Variants in DOCK2 observed in about 807,000 individuals in gnomAD.
DOCK2 encodes the protein dedicator of cytokinesis protein 2.
Under a neutral mutation model 248.9 loss-of-function variants are expected in DOCK2, and 87 were observed. The ratio of observed to expected loss-of-function variants is 0.35; its 90% CI spans 0.29 to 0.42. The LOEUF (loss-of-function observed/expected upper bound fraction) is 0.42, where lower values mean the gene tolerates loss of function less well. DOCK2 is among the 10% of genes least tolerant of loss of function. DOCK2 has a pLI of 1.00. For missense variants in DOCK2, 1,747 were observed against 2,300.2 expected, an observed-to-expected ratio of 0.76 and a Z score of 4.92; for synonymous variants, 805 against 821.6, an observed-to-expected ratio of 0.98 and a Z score of 0.35.
At chr5:170,029,737 C>G (rs1443714144) in intron 34 of DOCK2, among the ~76,000 whole-genome samples, 3 of 152,232 alleles carry the variant, frequency 2.0e-5, no homozygotes, top group Non-Finnish European at 4.4e-5. Context: ...TTCTATAATT[C>G]TCTGAGATCA....
In DOCK2 at chr5:169,712,550, G is replaced by A. The variant is rs1297026562; in HGVS notation, c.1659+327G>A. On this transcript the variant is annotated intron_variant, in intron 17 of 51. Transcript: ENST00000520908. ...CTGTTATATACTCTTGACTCTGTAG[G>A]GACCTCTGTGGCATGTGTAGAGGAT... Among the ~76,000 whole-genome samples the A allele has an allele frequency of 2.0e-5, 3 of 152,152 alleles. No homozygotes were observed. The East Asian group carries it at 5.8e-4, about 29-fold the overall frequency.
chr5:169,813,441 G>T (rs978579515), intron 26 of DOCK2, among the ~76,000 whole-genome samples: 1 of 152,090 alleles, frequency 6.6e-6, no homozygotes, highest in African/African-American at 2.4e-5. Flanking sequence ...ATTGGAAAAC[G>T]TTGCATATAT....
intron 22 of DOCK2, among the ~76,000 whole-genome samples, chr5:169,742,590 AC>A (rs1241301095): frequency 6.6e-6 from 1 of 152,154 alleles, no homozygotes; most frequent in Non-Finnish European, 1.5e-5. Flanking sequence ...CTCTCCCTCC[AC>A]CCCTGATTCT....
At chr5:169,682,932 T>G (rs2113362274) in intron 7 of DOCK2, among the ~76,000 whole-genome samples, 1 of 152,300 alleles carries the variant, frequency 6.6e-6, no homozygotes, top group South Asian at 2.1e-4. Flanking sequence ...GCAAGATGTT[T>G]TTGAGGTTTA....
intron 22 of DOCK2, among the ~76,000 whole-genome samples, chr5:169,731,729 A>C (rs1762783638): frequency 6.6e-6 from 1 of 152,102 alleles, no homozygotes; most frequent in South Asian, 2.1e-4. Context: ...AAAGGGTATT[A>C]ATTATTTTTT....
At chr5:169,992,422 C>T (rs966542737) in intron 29 of DOCK2, among the ~76,000 whole-genome samples, 7 of 152,212 alleles carry the variant, frequency 4.6e-5, no homozygotes, top group Non-Finnish European at 8.8e-5. Flanking sequence ...AGTGTGTTTT[C>T]GTCCTAACCC....
intron 29 of DOCK2, among the ~76,000 whole-genome samples, chr5:169,990,805 G>T (rs1274025648): frequency 2.0e-5 from 3 of 152,196 alleles, no homozygotes; most frequent in Non-Finnish European, 4.4e-5. Context: ...ACCAGATAGG[G>T]CATGTCCGCC....
intron 44 of DOCK2, among the ~76,000 whole-genome samples, chr5:170,066,208 C>T (rs1433063215): frequency 1.3e-5 from 2 of 151,942 alleles, no homozygotes; most frequent in African/African-American, 4.8e-5. Context: ...CCTCGGCCTC[C>T]CGCAAATGAA....
At chr5:169,939,264 A>C (rs1776133250) in intron 27 of DOCK2, among the ~76,000 whole-genome samples, 1 of 150,470 alleles carries the variant, frequency 6.6e-6, no homozygotes, top group Non-Finnish European at 1.5e-5. Flanking sequence ...AAACACACAC[A>C]GGAGCCTAGG....
At chr5:169,831,756 T>G (rs532803528) in intron 26 of DOCK2, among the ~76,000 whole-genome samples, 139 of 152,316 alleles carry the variant, frequency 9.1e-4, no homozygotes, top group Non-Finnish European at 1.7e-3. Context: ...TAGCTCTCAG[T>G]GTTGGAATTA....
intron 27 of DOCK2, among the ~76,000 whole-genome samples, chr5:169,970,330 A>G (rs1175264914): frequency 6.6e-6 from 1 of 152,254 alleles, no homozygotes; most frequent in East Asian, 1.9e-4. Flanking sequence ...TTTGGTCAGA[A>G]AAGTAAAGAA....
chr5:169,756,797 C>A (rs566024119), intron 23 of DOCK2, among the ~76,000 whole-genome samples: 5 of 151,920 alleles, frequency 3.3e-5, no homozygotes, highest in African/African-American at 1.2e-4. Flanking sequence ...TGGTGGCACA[C>A]GCCTGTAATC....
At position 169,763,935 on chromosome 5, in the gene DOCK2, C is replaced by T. The variant is rs1406645574; in HGVS notation, c.2554+2310C>T. Among the ~76,000 whole-genome samples the T allele has an allele frequency of 6.6e-6, 1 of 152,200 alleles. No homozygotes were observed. Among genetic ancestry groups the T allele is most frequent in the East Asian group, 1.9e-4 (1 of 5,194 alleles). ...CCACCATCTATTTGCTAAGTGAGCC[C>T]TGTTACCAAAATAGTCCCAAAGGGA... On this transcript the variant is annotated intron_variant, in intron 25 of 51. Transcript: ENST00000520908. The surrounding 1 kb of genome is among the most constrained non-coding windows in gnomAD (Gnocchi z 4.1).
chr5:169,882,811 G>C, intron 27 of DOCK2: 1 of 1,551,440 alleles, frequency 6.4e-7, no homozygotes, highest in Non-Finnish European at 8.7e-7. Flanking sequence ...GTCTGACTCG[G>C]TGGGGTTGTT....
At chr5:169,724,989 A>G (rs900756812) in intron 22 of DOCK2, among the ~76,000 whole-genome samples, 2 of 152,164 alleles carry the variant, frequency 1.3e-5, no homozygotes, top group African/African-American at 4.8e-5. Context: ...ACAAATATGA[A>G]TTTAACTCAG....
chr5:169,680,775 T>G (rs189457515), intron 6 of DOCK2, among the ~76,000 whole-genome samples: 2 of 152,192 alleles, frequency 1.3e-5, no homozygotes, highest in East Asian at 3.9e-4. Flanking sequence ...TTTGACCCCT[T>G]TACTCCTCCA....
intron 27 of DOCK2, chr5:169,864,183 C>T (rs1771387767): frequency 8.3e-7 from 1 of 1,211,128 alleles, no homozygotes; most frequent in Non-Finnish European, 1.2e-6. Context: ...AGGGCCTTTG[C>T]AAAGAAGCAG....
rs570588116 is a variant in DOCK2, at chr5:169,929,143, C to T, written c.2800-53925C>T. On this transcript the variant is annotated intron_variant, in intron 27 of 51. Transcript: ENST00000520908. ...CCAGAGTGCCTATGCAGGAAGCCCA[C>T]GCACATAGCACTTAGGCATAGCAGG... 3.5e-4 allele frequency among the ~76,000 whole-genome samples: 54 copies of T among 152,300 alleles called. No homozygotes were observed. In the South Asian group the frequency reaches 0.011, roughly 31 times the overall value.
chr5:169,964,766 C>T (rs112283375), intron 27 of DOCK2, among the ~76,000 whole-genome samples: 2,127 of 152,306 alleles, frequency 0.014, 21 homozygotes, highest in Middle Eastern at 0.058. Context: ...CTTCTCCCCT[C>T]GGAGCAAAAG....
Sources: allele counts gnomAD v4.1 joint callset (sites outside exome capture counted in the v4.1 genomes callset), GRCh38; gene constraint gnomAD v4.1.1; non-coding constraint Gnocchi (gnomAD v3.1); transcripts MANE v1.5; gene names NCBI Gene and HGNC (gene_info 2026-07-23, HGNC 2026-07-21).